DGKB: variants seen among roughly 807,000 people sequenced by gnomAD.
DGKB encodes the protein diacylglycerol kinase beta, also known as 90 kDa diacylglycerol kinase.
DGKB carries 67 observed loss-of-function variants against 114.3 expected under a neutral mutation model. The observed-to-expected ratio is 0.59, with a 90% CI of 0.48 to 0.72. The LOEUF (loss-of-function observed/expected upper bound fraction) is 0.72, where lower values mean the gene tolerates loss of function less well. Among genes scored for constraint, DGKB ranks in the 30% least tolerant of loss-of-function variants. The pLI is 0.00. For synonymous variants in DGKB, 398 were observed against 323.1 expected (o/e 1.23, Z -2.49); for missense variants, 907 against 975.2 (o/e 0.93, Z 0.93).
intron 1 of DGKB, among the ~76,000 whole-genome samples, chr7:14,922,378 G>GTGTGTGTGTGTA (rs1491340985): frequency 0.03 from 1,350 of 45,168 alleles, 16 homozygotes; most frequent in African/African-American, 0.083. Flanking sequence ...TATCCATCGT[G>GTGTGTGTGTGTA]TGTGTGTGTG....
At chr7:14,919,095 A>AACACACACACACACAC (rs3036019) in intron 1 of DGKB, among the ~76,000 whole-genome samples, 9 of 114,970 alleles carry the variant, frequency 7.8e-5, no homozygotes, top group African/African-American at 2.9e-4. Context: ...CACACACACA[A>AACACACACACACACAC]ACACACACAC....
intron 20 of DGKB, among the ~76,000 whole-genome samples, chr7:14,518,626 G>C (rs1789236484): frequency 6.6e-6 from 1 of 152,028 alleles, no homozygotes; most frequent in African/African-American, 2.4e-5. Flanking sequence ...GAGGACTCAG[G>C]AGATAAGAGT....
chr7:14,685,697 A>G (rs1821561095), intron 9 of DGKB, among the ~76,000 whole-genome samples: 1 of 152,184 alleles, frequency 6.6e-6, no homozygotes, highest in Non-Finnish European at 1.5e-5. Flanking sequence ...GCACAATTCC[A>G]TAAACAAATA....
chr7:14,167,669 A>G (rs771894833), intron 25 of DGKB, among the ~76,000 whole-genome samples: 1 of 152,190 alleles, frequency 6.6e-6, no homozygotes, highest in Non-Finnish European at 1.5e-5. Context: ...CCAAGTTTTC[A>G]GACAGGCATA....
chr7:14,855,858 T>A (rs1850067171), intron 1 of DGKB, among the ~76,000 whole-genome samples: 1 of 152,098 alleles, frequency 6.6e-6, no homozygotes, highest in African/African-American at 2.4e-5. Flanking sequence ...TTATCCTGAT[T>A]AACTTATCAT....
chr7:14,466,398 A>C (rs1463174229), intron 21 of DGKB, among the ~76,000 whole-genome samples: 1 of 152,150 alleles, frequency 6.6e-6, no homozygotes, highest in Non-Finnish European at 1.5e-5. Context: ...CCTGTTAAAA[A>C]TGTACCAAAG....
intron 20 of DGKB, among the ~76,000 whole-genome samples, chr7:14,555,623 A>T (rs778928381): frequency 6.6e-6 from 1 of 152,128 alleles, no homozygotes; most frequent in African/African-American, 2.4e-5. Flanking sequence ...TAAGGCTGAA[A>T]CCTACTGGGC....
chr7:14,615,998 C>T (rs899286368), intron 15 of DGKB, among the ~76,000 whole-genome samples: 4 of 151,010 alleles, frequency 2.6e-5, no homozygotes, highest in African/African-American at 9.7e-5. Flanking sequence ...AAATATCTTA[C>T]ATTAATATTT....
intron 23 of DGKB, among the ~76,000 whole-genome samples, chr7:14,235,637 T>G (rs1474599219): frequency 6.6e-6 from 1 of 151,928 alleles, no homozygotes; most frequent in Non-Finnish European, 1.5e-5. Context: ...TTGCTTAGAG[T>G]GTAATGTGGA....
At chr7:14,314,582 A>C (rs572019874) in intron 23 of DGKB, among the ~76,000 whole-genome samples, 2 of 152,114 alleles carry the variant, frequency 1.3e-5, no homozygotes, top group Non-Finnish European at 2.9e-5. Context: ...AGTTTAGAGA[A>C]AAAAGAATAA....
In DGKB at chr7:14,481,823, C is replaced by T. The variant is rs746670801; in HGVS notation, c.1771-3598G>A. ...CTAAAAAGTTTCAAAAGCTGGTTTT[C>T]GGTGCTGTATTTGTTGAATATTTTG... On this transcript the variant is annotated intron_variant, in intron 20 of 25. Coordinates refer to ENST00000402815, the MANE Select transcript of DGKB (RefSeq NM_001350709.2). Among the ~76,000 whole-genome samples the T allele has an allele frequency of 1.9e-4, 29 of 151,950 alleles. 1 individual carries two copies. The highest frequency in any genetic ancestry group is 6.6e-4 in the Admixed American group (10 of 15,254).
At chr7:14,657,373 C>A (rs1353612204) in intron 13 of DGKB, among the ~76,000 whole-genome samples, 3 of 151,770 alleles carry the variant, frequency 2.0e-5, no homozygotes, top group African/African-American at 7.2e-5. Flanking sequence ...AATGAGGTTT[C>A]TTTTTGCCTA....
chr7:14,752,820 C>A (rs1834314878), intron 4 of DGKB, among the ~76,000 whole-genome samples: 1 of 152,000 alleles, frequency 6.6e-6, no homozygotes, highest in South Asian at 2.1e-4. Flanking sequence ...ATAGCCGAGT[C>A]CTGAAAATGT....
At chr7:14,784,032 A>G (rs73064794) in intron 2 of DGKB, among the ~76,000 whole-genome samples, 1,633 of 152,342 alleles carry the variant, frequency 0.011, 23 homozygotes, top group African/African-American at 0.032. Flanking sequence ...ATTTTGAATC[A>G]TAAATATAAT....
At chr7:14,376,328 G>T (rs141745521) in intron 21 of DGKB, among the ~76,000 whole-genome samples, 1 of 152,032 alleles carries the variant, frequency 6.6e-6, no homozygotes. Context: ...CTGAAAATTC[G>T]CCTTAATTTA....
intron 6 of DGKB, among the ~76,000 whole-genome samples, chr7:14,704,404 C>CG (rs1467535567): frequency 6.8e-6 from 1 of 146,250 alleles, no homozygotes; most frequent in Non-Finnish European, 1.5e-5. Flanking sequence ...GCCGAGATCA[C>CG]GCCACTGCAC....
chr7:14,725,428 TA>T (rs1829873318), intron 5 of DGKB, among the ~76,000 whole-genome samples: 1 of 152,132 alleles, frequency 6.6e-6, no homozygotes, highest in African/African-American at 2.4e-5. Context: ...CACCACATAT[TA>T]AAAGAGCCCA....
At chr7:14,736,518 A>G (rs1172064769) in intron 4 of DGKB, among the ~76,000 whole-genome samples, 1 of 152,130 alleles carries the variant, frequency 6.6e-6, no homozygotes, top group Non-Finnish European at 1.5e-5. Flanking sequence ...GGGAATAATA[A>G]TCCCACCCCA....
chr7:14,593,116 T>A (rs1182194357), intron 17 of DGKB, among the ~76,000 whole-genome samples: 1 of 152,050 alleles, frequency 6.6e-6, no homozygotes, highest in Non-Finnish European at 1.5e-5. Context: ...AAAATATACA[T>A]ATTCCAGTGG....
Sources: gnomAD v4.1 joint callset for allele counts (sites outside exome capture counted in the v4.1 genomes callset) on GRCh38, gnomAD v4.1.1 for gene constraint, MANE v1.5 for transcripts, NCBI Gene and HGNC (gene_info 2026-07-23, HGNC 2026-07-21) for gene names.